The following CYTH1 variants were observed in gnomAD, a reference collection of about 807,000 sequenced individuals.
CYTH1 encodes cytohesin-1.
Under a neutral mutation model 61.8 loss-of-function variants are expected in CYTH1, and 18 were observed. The observed-to-expected ratio is 0.29, with a 90% CI of 0.20 to 0.43. The LOEUF (loss-of-function observed/expected upper bound fraction) is 0.43, where lower values mean the gene tolerates loss of function less well. Among genes scored for constraint, CYTH1 ranks in the 20% least tolerant of loss-of-function variants. CYTH1 has a pLI of 1.00. For synonymous variants in CYTH1, 174 were observed against 184.3 expected, an observed-to-expected ratio of 0.94 and a Z score of 0.45; for missense variants, 336 against 510.5, an observed-to-expected ratio of 0.66 and a Z score of 3.29.
In CYTH1 at chr17:78,700,006, G is replaced by C. The variant is rs1052203307; in HGVS notation, c.550+325C>G. Among the ~76,000 whole-genome samples, 3 of 152,054 alleles carry C rather than the reference G, an allele frequency of 2.0e-5. No individual in the cohort carries two copies. The highest frequency in any genetic ancestry group is 7.2e-5 in the African/African-American group (3 of 41,380). ...GGGTCTCATAATGTTGCCCAGGCTGGTCTCAAACTCCTAGCCTCAAGCAAT... is the reference window on the plus strand; with the variant it reads ...GGGTCTCATAATGTTGCCCAGGCTGCTCTCAAACTCCTAGCCTCAAGCAAT... On this transcript the variant is annotated intron_variant, in intron 7 of 13. Transcript: ENST00000446868. The surrounding 1 kb of genome is among the most constrained non-coding windows in gnomAD (Gnocchi z 5.1).
intron 11 of CYTH1, among the ~76,000 whole-genome samples, chr17:78,690,288 G>A (rs571979655): frequency 1.8e-4 from 27 of 150,682 alleles, no homozygotes; most frequent in Admixed American, 1.3e-3. Context: ...CAGCTACTCC[G>A]GAGGCCGAGG....
At chr17:78,765,490 C>A (rs1173245562) in intron 1 of CYTH1, among the ~76,000 whole-genome samples, 1 of 152,050 alleles carries the variant, frequency 6.6e-6, no homozygotes, top group East Asian at 1.9e-4. Flanking sequence ...AAGAAGTCTC[C>A]GTCTTCAATA....
intron 1 of CYTH1, among the ~76,000 whole-genome samples, chr17:78,721,532 A>G (rs546750985): frequency 9.2e-5 from 14 of 152,314 alleles, no homozygotes; most frequent in Admixed American, 7.2e-4. Context: ...AATCTATTAA[A>G]GGCTTTTATT....
chr17:78,706,919 T>C (rs966767701), intron 3 of CYTH1, among the ~76,000 whole-genome samples: 2 of 152,272 alleles, frequency 1.3e-5, no homozygotes, highest in Non-Finnish European at 2.9e-5. Context: ...TATCATATAT[T>C]CTAGATACAA....
At chr17:78,781,701 C>A (rs2093518641) in intron 1 of CYTH1, among the ~76,000 whole-genome samples, 1 of 152,078 alleles carries the variant, frequency 6.6e-6, no homozygotes, top group South Asian at 2.1e-4. Context: ...CCGGAAACTG[C>A]GGGGAACGCG....
chr17:78,753,598 T>G (rs1567875864), intron 1 of CYTH1, among the ~76,000 whole-genome samples: 1 of 152,146 alleles, frequency 6.6e-6, no homozygotes, highest in Non-Finnish European at 1.5e-5. Context: ...GCACTGCCCT[T>G]AGGGAATCTA....
chr17:78,692,921 G>A (rs2092903039), intron 10 of CYTH1, among the ~76,000 whole-genome samples: 1 of 152,168 alleles, frequency 6.6e-6, no homozygotes, highest in South Asian at 2.1e-4. Flanking sequence ...CACATAAGGA[G>A]TGTTTCACTG....
At chr17:78,698,743 T>C in intron 8 of CYTH1, 77 bp downstream of exon 8, 1 of 1,448,824 alleles carries the variant, frequency 6.9e-7, no homozygotes. Flanking sequence ...ATGTTTTTTC[T>C]TCCTTCCTAC....
At position 78,680,197 on chromosome 17, in the gene CYTH1, A is replaced by G; in HGVS notation, c.1111T>C (p.Cys371Arg). The change falls in exon 13 of 14, where the codon TGC (cysteine) becomes CGC (arginine). Residue 371 changes from cysteine to arginine, a missense_variant. Cys to Arg is a radical substitution (Grantham distance 180, BLOSUM62 -3). Around this residue, in one of 4 missense-constraint regions of CYTH1, gnomAD observed 83 missense variants for 115.6 expected, o/e 0.72. Transcript: ENST00000446868. ...TPEEKEEWIK[C>R]IKAAISRDPF... is the part of the protein sequence containing the mutation. The stretch of plus-strand genomic sequence containing the variant: ...TTCTCAGCAGTCACTTACTTAATGC[A>G]CTTAATCCACTCCTCCTTCTCCTCG... The G allele has an allele frequency of 6.2e-7, 1 of 1,614,082 alleles. No homozygotes were observed. The highest frequency in any genetic ancestry group is 1.1e-5 in the South Asian group (1 of 91,070).
intron 3 of CYTH1, 127 bp from the exon 4 acceptor site, chr17:78,702,731 C>T: frequency 2.0e-6 from 2 of 1,001,494 alleles, no homozygotes; most frequent in Non-Finnish European, 1.5e-6. Context: ...CAGGCATAAT[C>T]TGGTGGAACT....
intron 1 of CYTH1, among the ~76,000 whole-genome samples, chr17:78,770,355 G>GAAAAAAAAA (rs35531159): frequency 7.8e-6 from 1 of 128,336 alleles, no homozygotes; most frequent in Non-Finnish European, 1.6e-5. Flanking sequence ...GAAAAGAAAA[G>GAAAAAAAAA]AAAAAAAAAA....
chr17:78,676,548 A>C, intron 13 of CYTH1: 1 of 282,924 alleles, frequency 3.5e-6, no homozygotes, highest in South Asian at 3.5e-5. Flanking sequence ...GTGCCACGTA[A>C]TCAAGCCGTG....
At chr17:78,679,256 C>G (rs1255327821) in intron 13 of CYTH1, among the ~76,000 whole-genome samples, 1 of 152,226 alleles carries the variant, frequency 6.6e-6, no homozygotes, top group East Asian at 1.9e-4. Flanking sequence ...GGTGAAGTCA[C>G]ACAGGCAGCT....
intron 1 of CYTH1, among the ~76,000 whole-genome samples, chr17:78,739,452 G>T (rs2093333679): frequency 6.6e-6 from 1 of 152,226 alleles, no homozygotes; most frequent in African/African-American, 2.4e-5. Flanking sequence ...TGGAAGTGCA[G>T]TCAGGGAAGG....
chr17:78,702,849 G>GTC (rs544656446), intron 3 of CYTH1, among the ~76,000 whole-genome samples: 1 of 152,104 alleles, frequency 6.6e-6, no homozygotes, highest in Non-Finnish European at 1.5e-5. Flanking sequence ...TTGAGACAGG[G>GTC]TCTCTCTCTG....
At chr17:78,706,775 C>T (rs1017404262) in intron 3 of CYTH1, among the ~76,000 whole-genome samples, 3 of 152,088 alleles carry the variant, frequency 2.0e-5, no homozygotes, top group East Asian at 1.9e-4. Flanking sequence ...TGTGAAGTAC[C>T]GTTTCATGGT....
chr17:78,726,053 T>C (rs2093264854), intron 1 of CYTH1, among the ~76,000 whole-genome samples: 1 of 150,446 alleles, frequency 6.6e-6, no homozygotes, highest in African/African-American at 2.5e-5. Context: ...TTTTTTTTTT[T>C]TTTTTTTTGA....
In CYTH1 at chr17:78,697,487, C is replaced by T. The variant is rs1225673330; in HGVS notation, c.811+782G>A. Among the ~76,000 whole-genome samples the T allele has an allele frequency of 3.8e-4, 57 of 151,906 alleles. 1 individual carries two copies. Among genetic ancestry groups the T allele is most frequent in the Admixed American group, 3.7e-3 (57 of 15,242 alleles). On this transcript the variant is annotated intron_variant, in intron 9 of 13. Coordinates refer to ENST00000446868, the MANE Select transcript of CYTH1 (RefSeq NM_004762.6). ...CTGTCACCTTCACGGCAAGGCATGA[C>T]CACAAATCTCAGCAATACAAGCTCA...
At chr17:78,705,869 G>A (rs1361554089) in intron 3 of CYTH1, among the ~76,000 whole-genome samples, 1 of 152,146 alleles carries the variant, frequency 6.6e-6, no homozygotes, top group Admixed American at 6.6e-5. Context: ...CACGTTCCTG[G>A]TGTCTGCGTT....
Sources: gnomAD v4.1 joint callset for allele counts (sites outside exome capture counted in the v4.1 genomes callset) on GRCh38, gnomAD v4.1.1 for gene constraint, gnomAD v4.1.1 regional missense constraint, Gnocchi (gnomAD v3.1) non-coding constraint, MANE v1.5 for transcripts, NCBI Gene and HGNC (gene_info 2026-07-23, HGNC 2026-07-21) for gene names.